The following TBC1D19 variants were observed in gnomAD, a reference collection of about 807,000 sequenced individuals.
TBC1D19 encodes TBC1 domain family member 19, also known as TBC1 domain family, member 19.
Under a neutral mutation model 89.0 loss-of-function variants are expected in TBC1D19, and 60 were observed. The ratio of observed to expected loss-of-function variants is 0.67; its 90% CI spans 0.55 to 0.84. The LOEUF (loss-of-function observed/expected upper bound fraction) is 0.84. Among genes scored for constraint, TBC1D19 ranks in the 40% least tolerant of loss-of-function variants. The pLI, the probability that TBC1D19 is intolerant of heterozygous loss-of-function variation, is 0.00. For synonymous variants in TBC1D19, 189 were observed against 199.7 expected (o/e 0.95, Z 0.45); for missense variants, 500 against 610.8 (o/e 0.82, Z 1.91).
At chr4:26,786,176 C>T in the TBC1D19 span, among the ~76,000 whole-genome samples, 1 of 152,160 alleles carries the variant, frequency 6.6e-6, no homozygotes, top group Non-Finnish European at 1.5e-5. Context: ...CTCGTTTAAG[C>T]CTAGCCACCT....
chr4:26,745,832 C>T (rs1465431799), intron 18 of TBC1D19, among the ~76,000 whole-genome samples: 1 of 151,904 alleles, frequency 6.6e-6, no homozygotes. Context: ...TTTAATTAAT[C>T]ACATTCTACC....
intron 1 of TBC1D19, among the ~76,000 whole-genome samples, chr4:26,593,098 G>C (rs1039859725): frequency 1.8e-4 from 27 of 152,284 alleles, no homozygotes; most frequent in African/African-American, 6.3e-4. Context: ...ATACTACAAG[G>C]CTACAGTAAC....
the TBC1D19 span, among the ~76,000 whole-genome samples, chr4:26,846,142 A>G: frequency 3.9e-5 from 6 of 152,246 alleles, no homozygotes; most frequent in Non-Finnish European, 7.3e-5. Flanking sequence ...AATCTACACC[A>G]CATTTCATTT....
At chr4:26,650,583 A>G (rs997582922) in intron 7 of TBC1D19, among the ~76,000 whole-genome samples, 8 of 151,664 alleles carry the variant, frequency 5.3e-5, no homozygotes, top group Non-Finnish European at 7.4e-5. Flanking sequence ...TTGTAAATTT[A>G]TTTGAGTTCA....
rs545510193 is a variant in TBC1D19, at chr4:26,617,208, T to TTTAAC, written c.218+2756_218+2760dup. 2.0e-5 allele frequency among the ~76,000 whole-genome samples: 3 copies of TTTAAC among 152,044 alleles called. No individual in the cohort carries two copies. The East Asian group carries it at 5.8e-4, about 29-fold the overall frequency. ...CAGAAGGTGAGAGGGCAAGAGGGGG[T>TTTAAC]TTAACCCACCCTTTTATAATGGCAC... On this transcript the variant is annotated intron_variant, in intron 3 of 20. Coordinates refer to ENST00000264866, the MANE Select transcript of TBC1D19 (RefSeq NM_018317.4).
chr4:26,825,554 C>T, the TBC1D19 span, among the ~76,000 whole-genome samples: 1 of 152,158 alleles, frequency 6.6e-6, no homozygotes, highest in Non-Finnish European at 1.5e-5. Flanking sequence ...GTTGGAAACA[C>T]TCATTGTTCA....
At chr4:26,824,927 T>TA in the TBC1D19 span, among the ~76,000 whole-genome samples, 18 of 152,332 alleles carry the variant, frequency 1.2e-4, no homozygotes, top group South Asian at 3.7e-3. Flanking sequence ...TGTTTAACGA[T>TA]ATACATTGCC....
At chr4:26,622,406 G>A (rs1577820155) in intron 4 of TBC1D19, among the ~76,000 whole-genome samples, 1 of 151,704 alleles carries the variant, frequency 6.6e-6, no homozygotes, top group Admixed American at 6.6e-5. Context: ...TTTAAATCAT[G>A]ACTGAAAAGA....
chr4:26,831,464 T>C, the TBC1D19 span, among the ~76,000 whole-genome samples: 1 of 152,004 alleles, frequency 6.6e-6, no homozygotes, highest in Non-Finnish European at 1.5e-5. Context: ...AACAGATGAG[T>C]GTGATGGGCT....
At chr4:26,610,414 CT>C (rs757861203) in intron 1 of TBC1D19, among the ~76,000 whole-genome samples, 1,560 of 112,360 alleles carry the variant, frequency 0.014, 19 homozygotes, top group Admixed American at 0.05. Flanking sequence ...TTCTGCATTT[CT>C]TTTTTTTTTT....
intron 9 of TBC1D19, among the ~76,000 whole-genome samples, chr4:26,669,825 A>G (rs1712131756): frequency 6.6e-6 from 1 of 151,842 alleles, no homozygotes; most frequent in Non-Finnish European, 1.5e-5. Flanking sequence ...GAAAATCTTG[A>G]ACTGTATAAA....
chr4:26,641,512 C>G (rs991259747), intron 7 of TBC1D19, among the ~76,000 whole-genome samples: 55 of 152,280 alleles, frequency 3.6e-4, no homozygotes, highest in African/African-American at 1.3e-3. Context: ...AACCAGAGTG[C>G]CCCTTCTCCT....
the TBC1D19 span, among the ~76,000 whole-genome samples, chr4:26,817,981 A>AATATATATATATATATATATATAT: frequency 2.4e-5 from 3 of 126,078 alleles, no homozygotes; most frequent in African/African-American, 1.1e-4. Context: ...AAAAAAAAAA[A>AATATATATATATATATATATATAT]ATATATATAT....
chr4:26,651,395 G>A (rs1419095273), intron 7 of TBC1D19, among the ~76,000 whole-genome samples: 6 of 152,124 alleles, frequency 3.9e-5, no homozygotes, highest in Non-Finnish European at 1.5e-5. Flanking sequence ...ATTTCATTGA[G>A]CAGTGGTTTG....
At position 26,673,446 on chromosome 4, in the gene TBC1D19, T is replaced by TATAC. The variant is rs373807642; in HGVS notation, c.704-329_704-328insTACA. On this transcript the variant is annotated intron_variant, in intron 10 of 20. Coordinates refer to ENST00000264866, the MANE Select transcript of TBC1D19 (RefSeq NM_018317.4). ...TTTCATATATATATATATATATATA[T>TATAC]ACACACACACACACACACACACACA... Among the ~76,000 whole-genome samples, 107 of 90,874 alleles carry TATAC rather than the reference T, an allele frequency of 1.2e-3. 1 individual carries two copies. Among genetic ancestry groups the TATAC allele is most frequent in the African/African-American group, 4.3e-3 (101 of 23,516 alleles). 59.6% of individuals were successfully genotyped at this position (90,874 alleles called of 152,430 possible). A position where few individuals can be genotyped will look rare whatever the true frequency, so the allele number is the denominator to read the frequency against.
intron 1 of TBC1D19, among the ~76,000 whole-genome samples, chr4:26,594,980 C>A (rs181105796): frequency 1.4e-4 from 22 of 152,264 alleles, no homozygotes; most frequent in African/African-American, 5.3e-4. Context: ...TGATAGATTG[C>A]GTGGTAAGAG....
the TBC1D19 span, among the ~76,000 whole-genome samples, chr4:26,781,858 T>C: frequency 1.3e-5 from 2 of 152,038 alleles, no homozygotes; most frequent in Admixed American, 6.6e-5. Flanking sequence ...CTAATAAAAA[T>C]GATTTGAGCA....
the TBC1D19 span, among the ~76,000 whole-genome samples, chr4:26,845,329 T>A: frequency 6.6e-6 from 1 of 152,244 alleles, no homozygotes. Context: ...ACTGGGTTAT[T>A]GTAAACTTCT....
At chr4:26,853,497 G>C in the TBC1D19 span, among the ~76,000 whole-genome samples, 1 of 151,942 alleles carries the variant, frequency 6.6e-6, no homozygotes, top group Non-Finnish European at 1.5e-5. Context: ...AATAAATTTG[G>C]CTAAATAGCA....
Sources: gnomAD v4.1 joint callset for allele counts (sites outside exome capture counted in the v4.1 genomes callset) on GRCh38, gnomAD v4.1.1 for gene constraint, MANE v1.5 for transcripts, NCBI Gene and HGNC (gene_info 2026-07-23, HGNC 2026-07-21) for gene names.